MKLN1: variants seen among roughly 807,000 people sequenced by gnomAD.
The protein encoded by MKLN1 is muskelin.
A neutral mutation model predicts 99.0 loss-of-function variants in MKLN1; 18 were observed. That is an observed-to-expected ratio of 0.18 (90% confidence interval 0.13 to 0.27). The LOEUF is 0.27. Ranked by LOEUF, MKLN1 falls within the 10% of genes least tolerant of loss-of-function variation. The pLI is 1.00. For missense variants in MKLN1, 621 were observed against 875.9 expected, an observed-to-expected ratio of 0.71 and a Z score of 3.67; for synonymous variants, 288 against 293.2, an observed-to-expected ratio of 0.98 and a Z score of 0.18.
chr7:131,447,505 G>C (rs1796049603), intron 12 of MKLN1, among the ~76,000 whole-genome samples: 1 of 152,122 alleles, frequency 6.6e-6, no homozygotes. Context: ...TTTGAGACTA[G>C]CCTGGGCAGC....
chr7:131,408,194 C>G (rs1051913860), intron 6 of MKLN1, among the ~76,000 whole-genome samples: 13 of 152,096 alleles, frequency 8.5e-5, no homozygotes, highest in African/African-American at 1.9e-4. Flanking sequence ...TCCATACTCT[C>G]TATCTCTAAG....
chr7:131,232,971 T>G (rs888057704), intron 3 of MKLN1, among the ~76,000 whole-genome samples: 4 of 151,894 alleles, frequency 2.6e-5, no homozygotes, highest in Non-Finnish European at 5.9e-5. Context: ...CAGCAAATAA[T>G]TGTGGAAGGA....
At chr7:131,464,140 G>A (rs976444442) in intron 13 of MKLN1, 154 bp from the exon 14 acceptor site, 34 of 480,872 alleles carry the variant, frequency 7.1e-5, no homozygotes, top group Non-Finnish European at 1.2e-4. Context: ...AACAAATTCC[G>A]ATTGTTTTAT....
intron 1 of MKLN1, among the ~76,000 whole-genome samples, chr7:131,117,736 T>G (rs1795300024): frequency 6.6e-6 from 1 of 152,202 alleles, no homozygotes; most frequent in South Asian, 2.1e-4. Context: ...ACATTAATGG[T>G]TCCTGTGAGA....
intron 3 of MKLN1, among the ~76,000 whole-genome samples, chr7:131,311,828 C>T (rs75383343): frequency 0.082 from 9,459 of 116,008 alleles, 353 homozygotes; most frequent in East Asian, 0.26. Context: ...CTCTCTTTCC[C>T]ATTTTTTTTT....
intron 2 of MKLN1, among the ~76,000 whole-genome samples, chr7:131,155,364 A>G (rs943234961): frequency 6.6e-6 from 1 of 152,206 alleles, no homozygotes; most frequent in Admixed American, 6.5e-5. Context: ...GGGCTTGTCA[A>G]ACTTAATGTA....
chr7:131,127,165 CAAAAAA>C (rs59463348), intron 1 of MKLN1, among the ~76,000 whole-genome samples: 1 of 98,752 alleles, frequency 1.0e-5, no homozygotes, highest in African/African-American at 3.4e-5. Flanking sequence ...AACTCCATCT[CAAAAAA>C]AAAAAAAAAA....
Position 131,397,371 on chromosome 7 carries a change from A to G in MKLN1, c.505A>G (p.Ser169Gly). 6.3e-7 allele frequency: 1 copy of G among 1,579,542 alleles called. No individual in the cohort carries two copies. The highest frequency in any genetic ancestry group is 8.7e-7 in the Non-Finnish European group (1 of 1,152,042). Residue 169 changes from serine to glycine, a missense_variant, in exon 5 of 18, where the codon AGC (serine) becomes GGC (glycine). Around this residue, in one of 8 missense-constraint regions of MKLN1, gnomAD observed 361 missense variants for 540.8 expected, o/e 0.67. Coordinates refer to ENST00000352689, the MANE Select transcript of MKLN1 (RefSeq NM_013255.5). Reference sequence around the variant, plus strand: ...AGTACAACCTTGTCTCAACTGGTATAGCAAGGTAGGACTGTGTTTTAAATC... The same window carrying G: ...AGTACAACCTTGTCTCAACTGGTATGGCAAGGTAGGACTGTGTTTTAAATC... ...DIVQPCLNWY[S>G]KYREQEAIRL...
At chr7:131,189,331 T>C (rs576252149) in intron 2 of MKLN1, among the ~76,000 whole-genome samples, 163 of 152,322 alleles carry the variant, frequency 1.1e-3, no homozygotes, top group African/African-American at 3.5e-3. Flanking sequence ...TTAAAATTTA[T>C]TGCTAGAAAA....
intron 3 of MKLN1, among the ~76,000 whole-genome samples, chr7:131,219,919 G>C (rs1056627695): frequency 1.3e-5 from 2 of 151,872 alleles, no homozygotes; most frequent in Non-Finnish European, 2.9e-5. Flanking sequence ...CCTTCTTCCT[G>C]CCACCTGCTA....
At position 131,132,947 on chromosome 7, in the gene MKLN1, AAAAGAAAGAAAG is replaced by A. The variant is rs1224385182; in HGVS notation, c.-418-9849_-418-9838del. ...TCTCAAAAAAAAAAAAAAAAAAAAA[AAAAGAAAGAAAG>A]AAAGAAAGAAAGAAAGAAAGAAAAA... On this transcript the variant is annotated intron_variant, in intron 1 of 7. Coordinates refer to the MKLN1 transcript ENST00000416992. 6.8e-3 allele frequency among the ~76,000 whole-genome samples: 384 copies of A among 56,600 alleles called. 6 individuals carry two copies. Among genetic ancestry groups the A allele is most frequent in the African/African-American group, 0.017 (217 of 12,840 alleles). 37.1% of individuals were successfully genotyped at this position (56,600 alleles called of 152,430 possible).
At chr7:131,130,668 G>C (rs1341244561) in intron 1 of MKLN1, among the ~76,000 whole-genome samples, 1 of 152,164 alleles carries the variant, frequency 6.6e-6, no homozygotes, top group Admixed American at 6.5e-5. Flanking sequence ...ATGGACCATG[G>C]AACAGTATTA....
In MKLN1 at chr7:131,495,937, G is replaced by T. The variant is rs1797546820; in HGVS notation, c.*8209G>T. The stretch of plus-strand genomic sequence containing the variant: ...TGTTTATGATGGACTTTTTAATATG[G>T]CCATAATTAAACTCACACTCAAAAA... On this transcript the variant is annotated 3_prime_UTR_variant, in exon 18 of 18. Transcript: ENST00000352689. The T allele has an allele frequency of 6.6e-6, 1 of 151,964 alleles. No homozygotes were observed. Among genetic ancestry groups the T allele is most frequent in the Non-Finnish European group, 1.5e-5 (1 of 67,990 alleles). The allele number at this position is 151,964 out of a possible 1,614,324, so 9.4% of individuals were successfully genotyped here.
rs111804988 is a variant in MKLN1 at position 131,395,555 on chromosome 7, A to G, written c.401-1712A>G. On this transcript the variant is annotated intron_variant, in intron 4 of 17. Transcript: ENST00000352689. ...TGCACCTTGTACTTACTGAGCACTA[A>G]TAGTACTTTTTGGTGCCATTAGTTT... 3.1e-3 allele frequency among the ~76,000 whole-genome samples: 471 copies of G among 151,410 alleles called. 3 individuals carry two copies. The highest frequency in any genetic ancestry group is 0.011 in the African/African-American group (448 of 41,074).
chr7:131,419,582 T>C (rs1795131267), intron 8 of MKLN1, among the ~76,000 whole-genome samples: 1 of 152,152 alleles, frequency 6.6e-6, no homozygotes, highest in South Asian at 2.1e-4. Context: ...CCTATCTTAA[T>C]TGACATTTTA....
At chr7:131,275,038 A>G (rs1399627628) in intron 3 of MKLN1, among the ~76,000 whole-genome samples, 1 of 152,192 alleles carries the variant, frequency 6.6e-6, no homozygotes, top group Non-Finnish European at 1.5e-5. Context: ...GGAGACCGAA[A>G]TATCACCTTT....
At chr7:131,171,945 TGAG>T (rs1457774920) in intron 2 of MKLN1, among the ~76,000 whole-genome samples, 9 of 152,026 alleles carry the variant, frequency 5.9e-5, no homozygotes, top group Non-Finnish European at 8.8e-5. Flanking sequence ...TGGGCAACAA[TGAG>T]GAGACCAGTG....
rs111826548 is a variant in MKLN1 at position 131,392,376 on chromosome 7, C to T, written c.400+3404C>T. Among the ~76,000 whole-genome samples the T allele has an allele frequency of 3.0e-3, 455 of 152,168 alleles. 1 individual carries two copies. Among genetic ancestry groups the T allele is most frequent in the African/African-American group, 0.01 (433 of 41,512 alleles). On this transcript the variant is annotated intron_variant, in intron 4 of 17. Coordinates refer to ENST00000352689, the MANE Select transcript of MKLN1 (RefSeq NM_013255.5). ...GAGCATGAAGTCTGGGTATTAGTTC[C>T]AGGAAGCCCTTTAGGAGAGCATGTG...
At chr7:131,266,529 G>A (rs1174847443) in intron 3 of MKLN1, among the ~76,000 whole-genome samples, 1 of 152,056 alleles carries the variant, frequency 6.6e-6, no homozygotes, top group African/African-American at 2.4e-5. Flanking sequence ...GGGGAACAAC[G>A]AATCTGATCA....
Sources: allele counts gnomAD v4.1 joint callset (sites outside exome capture counted in the v4.1 genomes callset), GRCh38; gene constraint gnomAD v4.1.1; regional missense constraint gnomAD v4.1.1; transcripts MANE v1.5; gene names NCBI Gene and HGNC (gene_info 2026-07-23, HGNC 2026-07-21).